OTOG: variants seen among roughly 807,000 people sequenced by gnomAD.
The protein encoded by OTOG is otogelin.
A neutral mutation model predicts 313.8 loss-of-function variants in OTOG; 296 were observed. The ratio of observed to expected loss-of-function variants is 0.94; its 90% confidence interval spans 0.86 to 1.04. The LOEUF (loss-of-function observed/expected upper bound fraction) is 1.04, where lower values mean the gene tolerates loss of function less well. Among genes scored for constraint, OTOG ranks in the 50% least tolerant of loss-of-function variants. The pLI is 0.00. For synonymous variants in OTOG, 1,533 were observed against 1,554.9 expected (o/e 0.99, Z 0.33); for missense variants, 3,948 against 3,840.1 (o/e 1.03, Z -0.74).
intron 30 of OTOG, among the ~76,000 whole-genome samples, chr11:17,597,284 A>G (rs1315579702): frequency 1.3e-5 from 2 of 152,226 alleles, no homozygotes; most frequent in Non-Finnish European, 2.9e-5. Flanking sequence ...AGAGAGTCCA[A>G]TGCGAACCCG....
At chr11:17,623,544 C>A (rs1046816755) in intron 39 of OTOG, among the ~76,000 whole-genome samples, 4 of 152,090 alleles carry the variant, frequency 2.6e-5, no homozygotes, top group Non-Finnish European at 4.4e-5. Flanking sequence ...ATCCAGTCTA[C>A]CATTGATGGA....
chr11:17,572,367 C>T (rs1404210748), intron 18 of OTOG, among the ~76,000 whole-genome samples, 163 bp downstream of exon 18: 1 of 152,186 alleles, frequency 6.6e-6, no homozygotes, highest in Non-Finnish European at 1.5e-5. Flanking sequence ...ACAGTGAGGG[C>T]CAGGCAGGCA....
chr11:17,610,440 A>G lies in OTOG; in HGVS notation c.5140A>G (p.Thr1714Ala), dbSNP rs889592266. ...ACAGGTTCCTGTCAGTCCCCTTGCAACCAGGAGCTTGGAGATAGTGCTATC... is the reference window on the plus strand; with the variant it reads ...ACAGGTTCCTGTCAGTCCCCTTGCAGCCAGGAGCTTGGAGATAGTGCTATC... ...AEQVPVSPLA[T>A]RSLEIVLSTE... Residue 1714 changes from threonine to alanine, a missense_variant, in exon 36 of 56, where the codon ACC becomes GCC. Physicochemically the swap from Thr to Ala is moderately conservative, Grantham distance 58. Coordinates refer to ENST00000399397, the MANE Select transcript of OTOG (RefSeq NM_001292063.2). The G allele has an allele frequency of 6.4e-7, 1 of 1,550,474 alleles. No homozygotes were observed. The highest frequency in any genetic ancestry group is 8.7e-7 in the Non-Finnish European group (1 of 1,146,980).
intron 23 of OTOG, among the ~76,000 whole-genome samples, chr11:17,583,053 C>T (rs766641125): frequency 2.9e-4 from 44 of 151,736 alleles, no homozygotes; most frequent in Admixed American, 3.9e-4. Flanking sequence ...TATAGTTAGT[C>T]CTCAAGGTTG....
rs769667097 is a variant in OTOG, at chr11:17,610,931, G to T, written c.5631G>T (p.Leu1877=). The T allele has an allele frequency of 4.5e-6, 7 of 1,550,352 alleles. No homozygotes were observed. The highest frequency in any genetic ancestry group is 3.6e-5 in the South Asian group (3 of 84,042). Reference sequence around the variant, plus strand: ...CAGCAGGCACAGCTCCAGGCCTGCTGCTGGGAGCCACATTGCCAACCTCTG... The same window carrying T: ...CAGCAGGCACAGCTCCAGGCCTGCTTCTGGGAGCCACATTGCCAACCTCTG... ...PPAAGTAPGL[L]LGATLPTSGV... is the part of the protein sequence containing the mutation. The change falls in exon 36 of 56, where the codon CTG becomes CTT. Residue 1877 remains leucine, a synonymous_variant. Transcript: ENST00000399397.
intron 41 of OTOG, 36 bp downstream of exon 41, chr11:17,631,958 C>T: frequency 6.5e-7 from 1 of 1,545,636 alleles, no homozygotes; most frequent in Non-Finnish European, 8.7e-7. Flanking sequence ...GGGGACACCT[C>T]CTGGGCTGGC....
chr11:17,577,759 C>T (rs1852564568), intron 22 of OTOG, among the ~76,000 whole-genome samples: 1 of 152,144 alleles, frequency 6.6e-6, no homozygotes, highest in African/African-American at 2.4e-5. Flanking sequence ...TCTGGTTCAT[C>T]CCAGCCTGGG....
chr11:17,599,699 T>G lies in OTOG; in HGVS notation c.3709+2T>G. On this transcript the variant is annotated splice_donor_variant, in intron 31 of 55. Coordinates refer to ENST00000399397, the MANE Select transcript of OTOG (RefSeq NM_001292063.2). LOFTEE classifies it high-confidence loss of function. ...ATGACTGTGACTTCTTTAACAAAGG[T>G]AAGCCCCTCCTCCCCACGCAGAGTC... 1 of 1,550,592 alleles carries G rather than the reference T, an allele frequency of 6.4e-7. No individual in the cohort carries two copies. Among genetic ancestry groups the G allele is most frequent in the Non-Finnish European group, 8.7e-7 (1 of 1,146,986 alleles).
At chr11:17,565,543 C>A (rs913994649) in intron 15 of OTOG, among the ~76,000 whole-genome samples, 1 of 152,182 alleles carries the variant, frequency 6.6e-6, no homozygotes, top group Non-Finnish European at 1.5e-5. Context: ...CTATGGGCAA[C>A]CCACACTTAC....
intron 23 of OTOG, among the ~76,000 whole-genome samples, chr11:17,583,548 G>T (rs1168568660): frequency 1.3e-5 from 2 of 152,148 alleles, no homozygotes; most frequent in Admixed American, 6.5e-5. Flanking sequence ...GACATCCAGT[G>T]ATTGTAGCCC....
chr11:17,580,021 G>A (rs1852630139), intron 23 of OTOG, among the ~76,000 whole-genome samples: 1 of 152,236 alleles, frequency 6.6e-6, no homozygotes, highest in Admixed American at 6.5e-5. Context: ...CTCTTGCTGG[G>A]ATAGGGCTCC....
chr11:17,553,160 G>T lies in OTOG; in HGVS notation c.334G>T (p.Ala112Ser), dbSNP rs1212201315. The change falls in exon 5 of 56, where the codon GCC (alanine) becomes TCC (serine). Residue 112 changes from alanine (A) to serine (S), a missense_variant. By Grantham distance (99) the Ala-to-Ser change is moderately conservative. Transcript: ENST00000399397. ...CAATGGAGGCGAGTGTGTGCACCCA[G>T]CCTTCTGTGACTGCAGACGCTTCAA... ...CFNGGECVHP[A>S]FCDCRRFNAT... is the part of the protein sequence containing the mutation. 6.4e-7 allele frequency: 1 copy of T among 1,550,546 alleles called. No individual in the cohort carries two copies. The highest frequency in any genetic ancestry group is 2.0e-5 in the Admixed American group (1 of 51,004).
chr11:17,620,918 C>T (rs567271380), intron 39 of OTOG, among the ~76,000 whole-genome samples: 1 of 152,334 alleles, frequency 6.6e-6, no homozygotes, highest in South Asian at 2.1e-4. Context: ...TCATCTCAGA[C>T]ATGATATTTT....
intron 35 of OTOG, 59 bp from the exon 36 acceptor site, chr11:17,609,596 C>A (rs1853473097): frequency 7.2e-7 from 1 of 1,386,810 alleles, no homozygotes; most frequent in South Asian, 1.5e-5. Context: ...CCCTGCCCAG[C>A]AATGACCCCC....
intron 41 of OTOG, 66 bp from the exon 42 acceptor site, chr11:17,632,022 G>A: frequency 2.6e-6 from 4 of 1,541,232 alleles, no homozygotes; most frequent in South Asian, 2.4e-5. Flanking sequence ...GGGCAGGGAG[G>A]GGAGGAGCTG....
At chr11:17,557,624 G>T (rs1253024794) in intron 8 of OTOG, among the ~76,000 whole-genome samples, 1 of 152,174 alleles carries the variant, frequency 6.6e-6, no homozygotes, top group African/African-American at 2.4e-5. Context: ...GGGGCATGGG[G>T]TAGGCAGGGA....
intron 3 of OTOG, among the ~76,000 whole-genome samples, chr11:17,550,901 G>A (rs542284954): frequency 1.8e-4 from 28 of 152,362 alleles, no homozygotes; most frequent in African/African-American, 6.3e-4. Flanking sequence ...AGGTGTGAGC[G>A]TAAGGGACAA....
intron 53 of OTOG, among the ~76,000 whole-genome samples, chr11:17,642,762 A>G (rs1848002120): frequency 1.3e-5 from 2 of 152,214 alleles, no homozygotes; most frequent in Admixed American, 6.5e-5. Context: ...TTGTTGAATT[A>G]TTAAAGTCCC....
At chr11:17,616,851 A>G (rs541827437) in intron 39 of OTOG, among the ~76,000 whole-genome samples, 5 of 152,232 alleles carry the variant, frequency 3.3e-5, no homozygotes, top group African/African-American at 1.2e-4. Flanking sequence ...CTTTTAATTT[A>G]TTTTCTCTCA....
Sources: gnomAD v4.1 joint callset for allele counts (sites outside exome capture counted in the v4.1 genomes callset) on GRCh38, gnomAD v4.1.1 for gene constraint, MANE v1.5 for transcripts, NCBI Gene and HGNC (gene_info 2026-07-23, HGNC 2026-07-21) for gene names.